Variants in ZNF608 observed in about 807,000 individuals in gnomAD.
ZNF608 encodes the protein renal carcinoma antigen NY-REN-36.
A neutral mutation model predicts 109.0 loss-of-function variants in ZNF608; 12 were observed. The observed-to-expected ratio is 0.11, with a 90% CI of 0.07 to 0.18. The LOEUF is 0.18. Among genes scored for constraint, ZNF608 ranks in the 10% least tolerant of loss-of-function variants. The pLI, the probability that ZNF608 is intolerant of heterozygous loss-of-function variation, is 1.00. For missense variants in ZNF608, 1,707 were observed against 1,879.3 expected, an observed-to-expected ratio of 0.91 and a Z score of 1.70; for synonymous variants, 732 against 717.4, an observed-to-expected ratio of 1.02 and a Z score of -0.33.
intron 1 of ZNF608, among the ~76,000 whole-genome samples, chr5:124,745,773 C>A (rs532353702): frequency 6.6e-6 from 1 of 152,258 alleles, no homozygotes; most frequent in South Asian, 2.1e-4. Context: ...CAATAACTGC[C>A]CCCAACACAC....
chr5:124,646,283 C>T (rs1038345680), intron 5 of ZNF608, among the ~76,000 whole-genome samples: 2 of 152,196 alleles, frequency 1.3e-5, no homozygotes, highest in Non-Finnish European at 2.9e-5. Flanking sequence ...ATCGCTTGAA[C>T]GGAGGCGGAG....
chr5:124,701,372 C>T, intron 2 of ZNF608, 103 bp from the exon 3 acceptor site: 5 of 1,396,076 alleles, frequency 3.6e-6, no homozygotes, highest in Non-Finnish European at 3.9e-6. Flanking sequence ...TTCCAAATTC[C>T]ATTTGCAATT....
chr5:124,644,734 T>G (rs1750421538), intron 5 of ZNF608, 73 bp from the exon 6 acceptor site: 1 of 1,339,186 alleles, frequency 7.5e-7, no homozygotes, highest in Non-Finnish European at 1.0e-6. Context: ...GAAAACTTGT[T>G]AATAATCATG....
chr5:124,740,399 G>C (rs1171073633), intron 2 of ZNF608, among the ~76,000 whole-genome samples: 2 of 151,872 alleles, frequency 1.3e-5, no homozygotes, highest in Non-Finnish European at 2.9e-5. Flanking sequence ...ACAGTTTGCT[G>C]TCCGACAACA....
intron 3 of ZNF608, among the ~76,000 whole-genome samples, chr5:124,679,418 T>TCCC (rs1561554776): frequency 2.1e-5 from 3 of 143,952 alleles, no homozygotes; most frequent in African/African-American, 7.5e-5. Context: ...CTTCCTTCTT[T>TCCC]TCCTCCCTCC....
intron 3 of ZNF608, among the ~76,000 whole-genome samples, chr5:124,685,354 G>A (rs980340270): frequency 6.6e-6 from 1 of 152,134 alleles, no homozygotes; most frequent in Non-Finnish European, 1.5e-5. Flanking sequence ...ATAAAACACT[G>A]AACCATAGCA....
intron 3 of ZNF608, among the ~76,000 whole-genome samples, chr5:124,692,243 T>C (rs1267468861): frequency 6.6e-6 from 1 of 152,238 alleles, no homozygotes; most frequent in East Asian, 1.9e-4. Context: ...TTCAATTGTC[T>C]AGACCAAACT....
intron 3 of ZNF608, among the ~76,000 whole-genome samples, chr5:124,696,195 A>G (rs544693764): frequency 1.3e-5 from 2 of 152,206 alleles, no homozygotes; most frequent in East Asian, 1.9e-4. Context: ...AAGAAAAAAA[A>G]AAAAGGAAAA....
At chr5:124,695,853 A>G (rs1272217585) in intron 3 of ZNF608, among the ~76,000 whole-genome samples, 2 of 152,148 alleles carry the variant, frequency 1.3e-5, no homozygotes, top group Non-Finnish European at 2.9e-5. Context: ...ATATAGGAGA[A>G]GCAGAAGAAT....
At chr5:124,678,336 T>C (rs1752046853) in intron 3 of ZNF608, among the ~76,000 whole-genome samples, 2 of 152,308 alleles carry the variant, frequency 1.3e-5, no homozygotes, top group South Asian at 2.1e-4. Context: ...CAAATTGTAA[T>C]AGACTAAAAT....
At chr5:124,722,905 T>C (rs751043265) in intron 2 of ZNF608, among the ~76,000 whole-genome samples, 6 of 152,024 alleles carry the variant, frequency 3.9e-5, no homozygotes, top group Non-Finnish European at 8.8e-5. Context: ...TTCTGTATAC[T>C]GGATCAAAAA....
chr5:124,736,223 A>G (rs2149898231), intron 2 of ZNF608, among the ~76,000 whole-genome samples: 1 of 152,356 alleles, frequency 6.6e-6, no homozygotes, highest in Non-Finnish European at 1.5e-5. Context: ...CGGCTGTGCT[A>G]GTCATAAGCC....
intron 3 of ZNF608, among the ~76,000 whole-genome samples, chr5:124,667,464 G>A (rs564687666): frequency 2.6e-5 from 4 of 152,006 alleles, no homozygotes; most frequent in Non-Finnish European, 5.9e-5. Flanking sequence ...CACCCCCACC[G>A]TGGCTGGAAG....
At chr5:124,720,522 T>C (rs1198808296) in intron 2 of ZNF608, among the ~76,000 whole-genome samples, 1 of 152,214 alleles carries the variant, frequency 6.6e-6, no homozygotes, top group Non-Finnish European at 1.5e-5. Context: ...AAACAGACTT[T>C]CATGGTAAAC....
At chr5:124,666,702 G>T (rs1751493944) in intron 3 of ZNF608, among the ~76,000 whole-genome samples, 2 of 143,004 alleles carry the variant, frequency 1.4e-5, no homozygotes, top group Non-Finnish European at 3.0e-5. Flanking sequence ...TACAAACTGG[G>T]TTTGCTCTGT....
intron 2 of ZNF608, among the ~76,000 whole-genome samples, chr5:124,740,390 C>T (rs10056527): frequency 0.2 from 29,736 of 152,056 alleles, 3,660 homozygotes; most frequent in East Asian, 0.51. Context: ...GCTTTCAAAA[C>T]AGTTTGCTGT....
chr5:124,686,438 T>C (rs1752414971), intron 3 of ZNF608, among the ~76,000 whole-genome samples: 1 of 152,216 alleles, frequency 6.6e-6, no homozygotes. Flanking sequence ...CTCACACACT[T>C]GCTTACTGCA....
intron 3 of ZNF608, among the ~76,000 whole-genome samples, chr5:124,695,187 G>A (rs925491243): frequency 1.3e-5 from 2 of 152,108 alleles, no homozygotes; most frequent in Non-Finnish European, 2.9e-5. Context: ...TAGGGGTAAC[G>A]AAATACAGAC....
chr5:124,714,607 T>C (rs750597115), intron 2 of ZNF608, among the ~76,000 whole-genome samples: 28 of 152,240 alleles, frequency 1.8e-4, no homozygotes, highest in Non-Finnish European at 3.7e-4. Context: ...AAAGTGGAGA[T>C]TATAGTATTA....
Sources: allele counts gnomAD v4.1 joint callset (sites outside exome capture counted in the v4.1 genomes callset), GRCh38; gene constraint gnomAD v4.1.1; transcripts MANE v1.5; gene names NCBI Gene and HGNC (gene_info 2026-07-23, HGNC 2026-07-21).